The following SMIM36 variants were observed in gnomAD, a reference collection of about 807,000 sequenced individuals.
The protein encoded by SMIM36 is small integral membrane protein 36.
chr17:55,450,101 G>C (rs1908880573), exon 5 of SMIM36: 1 of 152,206 alleles, frequency 6.6e-6, no homozygotes, highest in Non-Finnish European at 1.5e-5. Context: ...TCACAAGTAT[G>C]AAGAGAGGCA....
chr17:55,462,303 A>G (rs924468897), intron 4 of SMIM36, among the ~76,000 whole-genome samples: 1 of 152,202 alleles, frequency 6.6e-6, no homozygotes, highest in Non-Finnish European at 1.5e-5. Flanking sequence ...CCTCATCTGA[A>G]AAATGGGCTA....
upstream of SMIM36, among the ~76,000 whole-genome samples, chr17:55,516,114 C>T (rs1910271984): frequency 6.6e-6 from 1 of 152,164 alleles, no homozygotes; most frequent in Non-Finnish European, 1.5e-5. Flanking sequence ...GCTGGAAGCC[C>T]CTGATGTAGC....
chr17:55,461,552 T>C (rs1419331481), intron 4 of SMIM36, among the ~76,000 whole-genome samples: 2 of 151,898 alleles, frequency 1.3e-5, no homozygotes, highest in Non-Finnish European at 2.9e-5. Context: ...TAGTGAGCTG[T>C]GATCATGCCA....
chr17:55,515,086 GTTTTTTTT>G (rs1158864125), upstream of SMIM36, among the ~76,000 whole-genome samples: 11 of 54,102 alleles, frequency 2.0e-4, no homozygotes, highest in Admixed American at 1.7e-3. Context: ...CTAGTCTAGT[GTTTTTTTT>G]TTTTTTTTTT....
chr17:55,501,023 TATATA>T lies in SMIM36; in HGVS notation c.*174+9851_*174+9855del, dbSNP rs1421590497. On this transcript the variant is annotated intron_variant, in intron 1 of 4. Coordinates refer to ENST00000636752, the Ensembl canonical transcript of SMIM36. ...TGTAACATATTATTATATTTTGTAATATATAATATATTATTATATATTATAATATA... is the reference window on the plus strand; with the variant it reads ...TGTAACATATTATTATATTTTGTAATATATATTATTATATATTATAATATA... 1.3e-4 allele frequency among the ~76,000 whole-genome samples: 4 copies of T among 29,910 alleles called. 1 individual carries two copies. The highest frequency in any genetic ancestry group is 2.0e-4 in the Non-Finnish European group (3 of 14,828). 19.6% of individuals were successfully genotyped at this position (29,910 alleles called of 152,430 possible).
At chr17:55,512,652 A>C (rs573895292), upstream of SMIM36, among the ~76,000 whole-genome samples, 5 of 152,368 alleles carry the variant, frequency 3.3e-5, no homozygotes, top group South Asian at 1.0e-3. Flanking sequence ...TTCCATTCTC[A>C]GAAAGAGCTC....
At chr17:55,482,424 A>G (rs1486947699) in intron 1 of SMIM36, among the ~76,000 whole-genome samples, 2 of 152,188 alleles carry the variant, frequency 1.3e-5, no homozygotes, top group East Asian at 1.9e-4. Context: ...ACTGAAACTC[A>G]TCTCTCCTTC....
chr17:55,450,894 C>CTT (rs945991045), intron 4 of SMIM36, among the ~76,000 whole-genome samples: 1 of 149,582 alleles, frequency 6.7e-6, no homozygotes, highest in African/African-American at 2.4e-5. Flanking sequence ...ATAGTGGCTT[C>CTT]TTTTTTTTTT....
At chr17:55,529,642 AGTAT>A in the SMIM36 span, among the ~76,000 whole-genome samples, 1 of 151,618 alleles carries the variant, frequency 6.6e-6, no homozygotes, top group African/African-American at 2.4e-5. Context: ...ACACACACAG[AGTAT>A]CCAGATGTGG....
chr17:55,495,126 C>A (rs1357996404), intron 1 of SMIM36, among the ~76,000 whole-genome samples: 1 of 152,148 alleles, frequency 6.6e-6, no homozygotes, highest in Non-Finnish European at 1.5e-5. Flanking sequence ...AAATATTTGT[C>A]AAATAGATAA....
At chr17:55,450,659 C>T (rs193244793) in intron 4 of SMIM36, among the ~76,000 whole-genome samples, 2 of 152,256 alleles carry the variant, frequency 1.3e-5, no homozygotes, top group Admixed American at 6.5e-5. Flanking sequence ...GATAGTACTC[C>T]TTGCTTTCTG....
chr17:55,452,201 C>T (rs1026810806), intron 4 of SMIM36, among the ~76,000 whole-genome samples: 1 of 151,558 alleles, frequency 6.6e-6, no homozygotes. Flanking sequence ...GGCCATACAT[C>T]CTATTGTTCA....
chr17:55,487,539 G>A (rs1206085416), intron 1 of SMIM36, among the ~76,000 whole-genome samples: 3 of 152,044 alleles, frequency 2.0e-5, no homozygotes, highest in African/African-American at 7.2e-5. Context: ...AAAAAGGGGA[G>A]GGTTTATGTA....
chr17:55,530,876 G>T, the SMIM36 span, among the ~76,000 whole-genome samples: 1 of 152,166 alleles, frequency 6.6e-6, no homozygotes, highest in African/African-American at 2.4e-5. Flanking sequence ...ATAAGTGACA[G>T]GTTGTTTTTT....
upstream of SMIM36, among the ~76,000 whole-genome samples, chr17:55,514,625 C>T (rs189769155): frequency 6.6e-6 from 1 of 152,290 alleles, no homozygotes; most frequent in East Asian, 1.9e-4. Context: ...ATAACTTATT[C>T]TATGGAGCAT....
At chr17:55,491,926 G>A (rs1209002736) in intron 1 of SMIM36, among the ~76,000 whole-genome samples, 1 of 152,110 alleles carries the variant, frequency 6.6e-6, no homozygotes, top group Admixed American at 6.5e-5. Context: ...TCCGGAGGCC[G>A]AGGTGGGGGA....
At chr17:55,479,101 T>C (rs1909475205) in intron 2 of SMIM36, among the ~76,000 whole-genome samples, 1 of 152,208 alleles carries the variant, frequency 6.6e-6, no homozygotes. Flanking sequence ...CTGCAGATCC[T>C]GACAATGACT....
Position 55,498,895 on chromosome 17 carries a change from A to C in SMIM36, c.*174+11984T>G, listed in dbSNP as rs1378714672. The stretch of plus-strand genomic sequence containing the variant: ...GCACTTGTAATCCCAGTTAATGGGG[A>C]GACTGAGGCAGGATAACCACTTGAA... On this transcript the variant is annotated intron_variant, in intron 1 of 4. Coordinates refer to ENST00000636752, the Ensembl canonical transcript of SMIM36. Among the ~76,000 whole-genome samples, 4 of 146,018 alleles carry C rather than the reference A, an allele frequency of 2.7e-5. No individual in the cohort carries two copies. The East Asian group carries it at 8.6e-4, about 31-fold the overall frequency.
intron 3 of SMIM36, chr17:55,468,539 T>A (rs1909283430): frequency 6.5e-6 from 1 of 152,952 alleles, no homozygotes; most frequent in East Asian, 1.9e-4. Flanking sequence ...CACATTTCAC[T>A]GGTGTCTGAT....
Sources: allele counts gnomAD v4.1 joint callset (sites outside exome capture counted in the v4.1 genomes callset), GRCh38; gene constraint gnomAD v4.1.1; transcripts MANE v1.5; gene names NCBI Gene and HGNC (gene_info 2026-07-23, HGNC 2026-07-21).